The following IL34 variants were observed in gnomAD, a reference collection of about 807,000 sequenced individuals.
IL34 encodes interleukin-34.
In IL34, 17 loss-of-function variants were observed where a neutral mutation model predicts 25.3. The ratio of observed to expected loss-of-function variants is 0.67; its 90% CI spans 0.46 to 1.01. The LOEUF (loss-of-function observed/expected upper bound fraction) is 1.01, where lower values mean the gene tolerates loss of function less well. IL34 is among the 50% of genes least tolerant of loss of function. The pLI is 0.00. For synonymous variants in IL34, 174 were observed against 140.9 expected, an observed-to-expected ratio of 1.23 and a Z score of -1.66; for missense variants, 368 against 312.9, an observed-to-expected ratio of 1.18 and a Z score of -1.33.
chr16:70,591,989 C>G (rs1011137361), intron 1 of IL34, among the ~76,000 whole-genome samples: 1 of 151,906 alleles, frequency 6.6e-6, no homozygotes, highest in Non-Finnish European at 1.5e-5. Flanking sequence ...CCTGGTAGTA[C>G]TAGGTAGTGA....
At chr16:70,635,588 C>G (rs2151855872) in intron 1 of IL34, among the ~76,000 whole-genome samples, 1 of 152,258 alleles carries the variant, frequency 6.6e-6, no homozygotes, top group East Asian at 1.9e-4. Flanking sequence ...CTTCCTTGAG[C>G]AGGAGCTGTT....
intron 1 of IL34, among the ~76,000 whole-genome samples, chr16:70,589,246 AT>A (rs987829340): frequency 5.3e-5 from 8 of 151,490 alleles, no homozygotes; most frequent in South Asian, 2.1e-4. Flanking sequence ...AAAATGGTTA[AT>A]TTTTTTTTAA....
In IL34 at chr16:70,580,532, A is replaced by C. The variant is rs151096966; in HGVS notation, c.-401+483A>C. 6.1e-4 allele frequency among the ~76,000 whole-genome samples: 93 copies of C among 152,342 alleles called. 1 individual carries two copies. The highest frequency in any genetic ancestry group is 6.8e-3 in the Middle Eastern group (2 of 294). On this transcript the variant is annotated intron_variant, in intron 1 of 6. Coordinates refer to the IL34 transcript ENST00000429149. ...CAGTGGCTCACGCCTGTAATCTGTA[A>C]TCCCAGCACTCTGGGAGGCGAGCGG...
At chr16:70,586,200 A>G (rs188226852) in intron 1 of IL34, among the ~76,000 whole-genome samples, 12 of 152,266 alleles carry the variant, frequency 7.9e-5, no homozygotes, top group East Asian at 3.9e-4. Flanking sequence ...TTGTTTATCT[A>G]TTTACCTGTC....
chr16:70,604,088 G>A (rs2050960907), intron 1 of IL34, among the ~76,000 whole-genome samples: 1 of 152,196 alleles, frequency 6.6e-6, no homozygotes, highest in African/African-American at 2.4e-5. Flanking sequence ...AACTATGAAT[G>A]AATGATTGAT....
intron 4 of IL34, among the ~76,000 whole-genome samples, chr16:70,658,652 G>A (rs1368410507): frequency 6.6e-6 from 1 of 150,936 alleles, no homozygotes; most frequent in Non-Finnish European, 1.5e-5. Context: ...TGTATTTTTA[G>A]TAGAGACGGG....
At chr16:70,634,744 C>G (rs2051602157) in intron 1 of IL34, among the ~76,000 whole-genome samples, 2 of 152,196 alleles carry the variant, frequency 1.3e-5, no homozygotes, top group Admixed American at 6.5e-5. Flanking sequence ...CTTACCACCA[C>G]CAGCCACCTG....
chr16:70,598,150 G>A (rs919327840), intron 1 of IL34, among the ~76,000 whole-genome samples: 3 of 152,052 alleles, frequency 2.0e-5, no homozygotes, highest in Admixed American at 2.0e-4. Flanking sequence ...CTGGTTGAAG[G>A]GACAGTTCCT....
chr16:70,609,849 C>T (rs1004663256), intron 1 of IL34, among the ~76,000 whole-genome samples: 1 of 152,168 alleles, frequency 6.6e-6, no homozygotes, highest in Non-Finnish European at 1.5e-5. Flanking sequence ...AAACTCAGAT[C>T]TATAGCTAGA....
chr16:70,628,245 C>G (rs911906680), intron 1 of IL34, among the ~76,000 whole-genome samples: 10 of 152,112 alleles, frequency 6.6e-5, no homozygotes, highest in Admixed American at 5.2e-4. Context: ...TAAATTTATA[C>G]ATTAACTTCA....
intron 1 of IL34, among the ~76,000 whole-genome samples, chr16:70,626,723 T>C (rs2051402191): frequency 1.3e-5 from 2 of 152,016 alleles, no homozygotes; most frequent in South Asian, 4.1e-4. Flanking sequence ...TATGTTTTCT[T>C]CTATTATTTT....
chr16:70,630,770 G>C (rs1038388780), intron 1 of IL34, among the ~76,000 whole-genome samples: 3 of 151,758 alleles, frequency 2.0e-5, no homozygotes, highest in Non-Finnish European at 4.4e-5. Flanking sequence ...ACGGGGTTTC[G>C]CCATGTTGCC....
At chr16:70,613,373 G>A (rs902408085) in intron 1 of IL34, among the ~76,000 whole-genome samples, 7 of 152,176 alleles carry the variant, frequency 4.6e-5, no homozygotes, top group African/African-American at 9.7e-5. Flanking sequence ...GGAGCGGGGC[G>A]GTTTCCTGAG....
chr16:70,650,352 T>C (rs914074611), intron 1 of IL34, among the ~76,000 whole-genome samples: 3 of 152,056 alleles, frequency 2.0e-5, no homozygotes, highest in Non-Finnish European at 4.4e-5. Flanking sequence ...GGCTGCCCAG[T>C]TGGGGGAGAG....
chr16:70,642,970 G>A (rs946952146), upstream of IL34, among the ~76,000 whole-genome samples: 3 of 152,268 alleles, frequency 2.0e-5, no homozygotes, highest in Admixed American at 6.5e-5. Context: ...TTTTGGGGGT[G>A]ATGAAAATGT....
At chr16:70,626,023 G>T (rs982872814) in intron 1 of IL34, among the ~76,000 whole-genome samples, 1 of 152,194 alleles carries the variant, frequency 6.6e-6, no homozygotes, top group Non-Finnish European at 1.5e-5. Context: ...TTTCATGCGC[G>T]TCCATGAGAA....
chr16:70,655,123 G>A (rs1238881650), intron 2 of IL34, among the ~76,000 whole-genome samples: 1 of 151,426 alleles, frequency 6.6e-6, no homozygotes, highest in Non-Finnish European at 1.5e-5. Context: ...CTCAATCTTG[G>A]CTCACTGCAA....
chr16:70,589,780 G>A lies in IL34; in HGVS notation c.-401+9731G>A, dbSNP rs546835116. Among the ~76,000 whole-genome samples the A allele has an allele frequency of 1.8e-4, 28 of 152,050 alleles. 1 individual carries two copies. The highest frequency in any genetic ancestry group is 8.3e-4 in the South Asian group (4 of 4,814). ...TGGGATTACAGGTGCCCGCCACCACGCCCAGCTATTTTTTGTATTTTTAGT... is the reference window on the plus strand; with the variant it reads ...TGGGATTACAGGTGCCCGCCACCACACCCAGCTATTTTTTGTATTTTTAGT... On this transcript the variant is annotated intron_variant, in intron 1 of 6. Transcript: ENST00000429149.
At chr16:70,638,577 T>A (rs1343595632) in intron 1 of IL34, among the ~76,000 whole-genome samples, 2 of 152,160 alleles carry the variant, frequency 1.3e-5, no homozygotes, top group Non-Finnish European at 2.9e-5. Context: ...TATCTGCATA[T>A]GCTTTCCCAT....
Sources: gnomAD v4.1 joint callset for allele counts (sites outside exome capture counted in the v4.1 genomes callset) on GRCh38, gnomAD v4.1.1 for gene constraint, MANE v1.5 for transcripts, NCBI Gene and HGNC (gene_info 2026-07-23, HGNC 2026-07-21) for gene names.